Variants in CUX1 observed in about 807,000 individuals in gnomAD.
CUX1 encodes the protein protein CASP.
A neutral mutation model predicts 158.8 loss-of-function variants in CUX1; 31 were observed. The observed-to-expected ratio is 0.20, with a 90% CI of 0.15 to 0.26. CUX1 has a LOEUF of 0.26. CUX1 is among the 10% of genes least tolerant of loss of function. The probability of loss-of-function intolerance (pLI) is 1.00; values close to 1 mark genes in which losing one functional copy is unlikely to be tolerated. For synonymous variants in CUX1, 879 were observed against 862.1 expected (o/e 1.02, Z -0.34); for missense variants, 1,589 against 2,014.6 (o/e 0.79, Z 4.04).
chr7:101,839,714 G>A (rs1333323196), intron 1 of CUX1, among the ~76,000 whole-genome samples: 1 of 150,092 alleles, frequency 6.7e-6, no homozygotes, highest in African/African-American at 2.5e-5. Flanking sequence ...TTGTTGATTT[G>A]CAAGAGCTCC....
chr7:102,103,703 G>A (rs1182799385), intron 5 of CUX1, among the ~76,000 whole-genome samples: 4 of 151,878 alleles, frequency 2.6e-5, no homozygotes, highest in African/African-American at 9.7e-5. Flanking sequence ...CTAAAGTTCT[G>A]GGATTACAGA....
chr7:102,117,477 G>A (rs1554492190), intron 8 of CUX1, among the ~76,000 whole-genome samples: 1 of 151,710 alleles, frequency 6.6e-6, no homozygotes, highest in East Asian at 1.9e-4. Context: ...TACCGGCAGG[G>A]TTTCCACGCC....
intron 1 of CUX1, among the ~76,000 whole-genome samples, chr7:101,897,598 TC>T (rs1801657922): frequency 6.6e-6 from 1 of 152,150 alleles, no homozygotes; most frequent in Non-Finnish European, 1.5e-5. Context: ...GGTTAGACTT[TC>T]ATAATTATTT....
chr7:101,976,977 A>G (rs1812786497), intron 2 of CUX1, among the ~76,000 whole-genome samples: 2 of 115,834 alleles, frequency 1.7e-5, no homozygotes, highest in African/African-American at 3.3e-5. Context: ...TCGTGGCATG[A>G]TTTCAGCTTG....
intron 5 of CUX1, among the ~76,000 whole-genome samples, chr7:102,102,880 G>A (rs527283710): frequency 2.6e-5 from 4 of 152,212 alleles, no homozygotes; most frequent in African/African-American, 9.6e-5. Context: ...GAGTTGTCCT[G>A]CCCCAGAGCC....
intron 1 of CUX1, among the ~76,000 whole-genome samples, chr7:101,866,593 T>C (rs1797947527): frequency 6.6e-6 from 1 of 151,838 alleles, no homozygotes; most frequent in African/African-American, 2.4e-5. Flanking sequence ...GATCATACCG[T>C]GGCATTCCAG....
chr7:102,071,451 G>A (rs1361532446), intron 4 of CUX1, among the ~76,000 whole-genome samples: 2 of 152,142 alleles, frequency 1.3e-5, no homozygotes, highest in Non-Finnish European at 2.9e-5. Flanking sequence ...ACATAACTAT[G>A]TGGGGCCCAG....
intron 1 of CUX1, among the ~76,000 whole-genome samples, chr7:101,863,780 C>T (rs944207691): frequency 3.3e-5 from 5 of 152,180 alleles, no homozygotes; most frequent in Non-Finnish European, 5.9e-5. Flanking sequence ...CTAGGTCCCT[C>T]GTCTAAGTGG....
intron 2 of CUX1, among the ~76,000 whole-genome samples, chr7:102,012,809 T>G (rs1021850250): frequency 1.3e-5 from 2 of 152,192 alleles, no homozygotes; most frequent in African/African-American, 2.4e-5. Context: ...CAGAGAATTC[T>G]TAAATCATCT....
Position 102,249,429 on chromosome 7 carries a change from G to A in CUX1, c.*387G>A, listed in dbSNP as rs1245504381. 2.0e-6 allele frequency: 2 copies of A among 986,818 alleles called. No homozygotes were observed. The highest frequency in any genetic ancestry group is 3.5e-5 in the African/African-American group (2 of 57,280). The allele number at this position is 986,818 out of a possible 1,614,324, so 61.1% of individuals were successfully genotyped here. A position where few individuals can be genotyped will look rare whatever the true frequency, so the allele number is the denominator to read the frequency against. ...GAGCATTAAGCCCAATCTATGTCGT[G>A]TTTTCAAGGAAGAAAACGGAAATGT... On this transcript the variant is annotated 3_prime_UTR_variant, in exon 24 of 24. Transcript: ENST00000292535.
chr7:101,842,418 C>T (rs766332557), intron 1 of CUX1, among the ~76,000 whole-genome samples: 4 of 152,206 alleles, frequency 2.6e-5, no homozygotes, highest in Non-Finnish European at 4.4e-5. Context: ...GACAGAGTCT[C>T]GCTGCATCAC....
chr7:102,187,730 C>T (rs1793790071), intron 11 of CUX1, among the ~76,000 whole-genome samples: 1 of 151,014 alleles, frequency 6.6e-6, no homozygotes, highest in South Asian at 2.1e-4. Flanking sequence ...AGGATGGTCT[C>T]AATCTCCTGA....
At chr7:102,239,680 C>T (rs965755730) in intron 23 of CUX1, 96 bp downstream of exon 23, 14 of 1,443,126 alleles carry the variant, frequency 9.7e-6, no homozygotes, top group African/African-American at 7.1e-5. Flanking sequence ...AGGCTGGGGC[C>T]GGAGGTGGGG....
At chr7:102,118,903 C>A (rs1831725984) in intron 8 of CUX1, among the ~76,000 whole-genome samples, 1 of 152,206 alleles carries the variant, frequency 6.6e-6, no homozygotes. Flanking sequence ...AGGCGTGCGC[C>A]ACCACATCCA....
chr7:101,862,658 A>G (rs1466185044), intron 1 of CUX1, among the ~76,000 whole-genome samples: 1 of 152,096 alleles, frequency 6.6e-6, no homozygotes, highest in East Asian at 1.9e-4. Flanking sequence ...ACATCGAGGG[A>G]CATATTAAAC....
chr7:101,945,798 C>G (rs901834143), intron 2 of CUX1, among the ~76,000 whole-genome samples: 1 of 152,218 alleles, frequency 6.6e-6, no homozygotes, highest in Non-Finnish European at 1.5e-5. Context: ...ACCTCCTGTG[C>G]TCAGGAACGT....
At chr7:102,078,832 A>C (rs1370887782) in intron 4 of CUX1, among the ~76,000 whole-genome samples, 3 of 152,064 alleles carry the variant, frequency 2.0e-5, no homozygotes, top group Non-Finnish European at 4.4e-5. Context: ...CCTGCTCCCA[A>C]ATGCCTGTGC....
intron 1 of CUX1, among the ~76,000 whole-genome samples, chr7:101,856,928 C>T (rs1279707300): frequency 6.6e-6 from 1 of 152,250 alleles, no homozygotes; most frequent in Admixed American, 6.5e-5. Context: ...ACCCTCCCTC[C>T]GCGGTCATGC....
intron 1 of CUX1, among the ~76,000 whole-genome samples, chr7:101,910,715 C>T (rs2131849644): frequency 6.6e-6 from 1 of 151,240 alleles, no homozygotes; most frequent in African/African-American, 2.4e-5. Context: ...CCAGCGCACC[C>T]CAGCCTGGGC....
Sources: gnomAD v4.1 joint callset for allele counts (sites outside exome capture counted in the v4.1 genomes callset) on GRCh38, gnomAD v4.1.1 for gene constraint, MANE v1.5 for transcripts, NCBI Gene and HGNC (gene_info 2026-07-23, HGNC 2026-07-21) for gene names.